Variants in ERBB4 observed in about 807,000 individuals in gnomAD.
The protein encoded by ERBB4 is receptor tyrosine-protein kinase erbB-4.
In ERBB4, 42 loss-of-function variants were observed where a neutral mutation model predicts 158.0. The observed-to-expected ratio is 0.27, with a 90% CI of 0.21 to 0.34. ERBB4 has a LOEUF of 0.34. Among genes scored for constraint, ERBB4 ranks in the 10% least tolerant of loss-of-function variants. The pLI is 1.00. For missense variants in ERBB4, 1,333 were observed against 1,624.1 expected (o/e 0.82, Z 3.08); for synonymous variants, 583 against 558.7 (o/e 1.04, Z -0.61).
intron 2 of ERBB4, among the ~76,000 whole-genome samples, chr2:212,113,302 G>A (rs1019168998): frequency 6.6e-6 from 1 of 152,102 alleles, no homozygotes; most frequent in Non-Finnish European, 1.5e-5. Context: ...ATGGCCGGGT[G>A]CGGTGGCTCA....
At chr2:211,902,297 G>A (rs2079257613) in intron 3 of ERBB4, among the ~76,000 whole-genome samples, 1 of 151,786 alleles carries the variant, frequency 6.6e-6, no homozygotes, top group African/African-American at 2.4e-5. Flanking sequence ...ACGGTATAAC[G>A]GTATTTTAAG....
chr2:212,044,525 T>C (rs905383081), intron 2 of ERBB4, among the ~76,000 whole-genome samples: 5 of 152,190 alleles, frequency 3.3e-5, no homozygotes, highest in Non-Finnish European at 7.4e-5. Flanking sequence ...TAATGGTTTC[T>C]ATTTTTTTCT....
At chr2:211,955,205 T>C (rs1452998119) in intron 2 of ERBB4, among the ~76,000 whole-genome samples, 1 of 152,040 alleles carries the variant, frequency 6.6e-6, no homozygotes, top group Non-Finnish European at 1.5e-5. Flanking sequence ...GCTAGTCTCT[T>C]GGGTGCTAGT....
In ERBB4 at chr2:211,850,014, C is replaced by A. The variant is rs532412232; in HGVS notation, c.422-61855G>T. Among the ~76,000 whole-genome samples the A allele has an allele frequency of 2.6e-5, 4 of 152,100 alleles. No homozygotes were observed. The South Asian group carries it at 8.3e-4, about 31-fold the overall frequency. On this transcript the variant is annotated intron_variant, in intron 3 of 27. Transcript: ENST00000342788. ...TGACCAAACTGTTTTCAAGACGCTG[C>A]CTGCAATTATCACACTGATGCTTTT...
At chr2:212,440,349 C>G (rs2105973646) in intron 1 of ERBB4, among the ~76,000 whole-genome samples, 1 of 152,306 alleles carries the variant, frequency 6.6e-6, no homozygotes, top group South Asian at 2.1e-4. Context: ...TCCCAGGCTA[C>G]AACTTTCTCC....
intron 1 of ERBB4, among the ~76,000 whole-genome samples, chr2:212,445,775 C>T (rs1156460466): frequency 6.6e-6 from 1 of 152,170 alleles, no homozygotes. Flanking sequence ...GGAAAAAACC[C>T]ACAACCTGCT....
chr2:212,223,432 T>A (rs955600685), intron 1 of ERBB4, among the ~76,000 whole-genome samples: 21 of 146,942 alleles, frequency 1.4e-4, no homozygotes, highest in South Asian at 6.3e-4. Context: ...TATATATTTT[T>A]TTTATTTATA....
intron 15 of ERBB4, 32 bp from the exon 16 acceptor site, chr2:211,657,860 T>C: frequency 6.2e-7 from 1 of 1,609,182 alleles, no homozygotes; most frequent in Non-Finnish European, 8.5e-7. Flanking sequence ...AAAACATCAT[T>C]CTCCATCCAC....
At chr2:211,752,967 T>C (rs1339247847) in intron 4 of ERBB4, among the ~76,000 whole-genome samples, 1 of 152,222 alleles carries the variant, frequency 6.6e-6, no homozygotes, top group Admixed American at 6.5e-5. Context: ...CTCCCATAAA[T>C]CGCTGTTCAG....
chr2:211,902,917 T>C (rs1202039822), intron 3 of ERBB4, among the ~76,000 whole-genome samples: 2 of 152,002 alleles, frequency 1.3e-5, no homozygotes, highest in African/African-American at 4.8e-5. Context: ...ATTACTTTTC[T>C]TTAGAAAACT....
At chr2:211,428,205 C>T (rs1048369023) in intron 22 of ERBB4, among the ~76,000 whole-genome samples, 2 of 109,232 alleles carry the variant, frequency 1.8e-5, no homozygotes, top group Admixed American at 1.9e-4. Flanking sequence ...ATGTGTATCG[C>T]AGAACTTAAA....
chr2:212,076,681 T>C (rs1369333189), intron 2 of ERBB4, among the ~76,000 whole-genome samples: 2 of 150,288 alleles, frequency 1.3e-5, no homozygotes, highest in African/African-American at 4.9e-5. Context: ...GAGAAAGGAG[T>C]GAGGTCAAGA....
chr2:212,491,647 T>C (rs1690285974), intron 1 of ERBB4, among the ~76,000 whole-genome samples: 1 of 151,572 alleles, frequency 6.6e-6, no homozygotes, highest in Non-Finnish European at 1.5e-5. Flanking sequence ...TGATTCACTG[T>C]CTAGAATTTT....
Position 212,383,927 on chromosome 2 carries a change from ATTAC to A in ERBB4, c.82+154518_82+154521del, listed in dbSNP as rs1560174553. Among the ~76,000 whole-genome samples, 163 of 151,828 alleles carry A rather than the reference ATTAC, an allele frequency of 1.1e-3. 3 individuals are homozygous for A. The South Asian group carries it at 0.033, about 31-fold the overall frequency. ...TCCTACAGAACTCTGAACACAGTGC[ATTAC>A]CCATTGTCATTGCTTGCTTGACATT... On this transcript the variant is annotated intron_variant, in intron 1 of 27. Coordinates refer to ENST00000342788, the MANE Select transcript of ERBB4 (RefSeq NM_005235.3).
At chr2:211,703,077 C>A (rs2073311043) in intron 11 of ERBB4, among the ~76,000 whole-genome samples, 1 of 151,604 alleles carries the variant, frequency 6.6e-6, no homozygotes, top group Non-Finnish European at 1.5e-5. Context: ...TTTAAATATT[C>A]TTTGCTGTTA....
chr2:211,723,484 C>A (rs79214155), intron 6 of ERBB4, among the ~76,000 whole-genome samples: 3,007 of 152,102 alleles, frequency 0.02, 74 homozygotes, highest in African/African-American at 0.069. Context: ...TATTAATAAG[C>A]ATTAATTTAT....
At chr2:211,716,691 C>A (rs557250902) in intron 7 of ERBB4, among the ~76,000 whole-genome samples, 2 of 144,196 alleles carry the variant, frequency 1.4e-5, no homozygotes, top group Admixed American at 1.4e-4. Flanking sequence ...ACAACAACAA[C>A]AACAACAACA....
intron 3 of ERBB4, among the ~76,000 whole-genome samples, chr2:211,861,542 T>C (rs937580704): frequency 6.6e-6 from 1 of 151,758 alleles, no homozygotes; most frequent in Non-Finnish European, 1.5e-5. Context: ...AATTTGAATA[T>C]TGCCATTAAC....
At chr2:212,488,397 C>G (rs1396526748) in intron 1 of ERBB4, among the ~76,000 whole-genome samples, 1 of 151,868 alleles carries the variant, frequency 6.6e-6, no homozygotes, top group African/African-American at 2.4e-5. Flanking sequence ...ATAGTCATCC[C>G]TCTAGTTTTA....
Sources: allele counts gnomAD v4.1 joint callset (sites outside exome capture counted in the v4.1 genomes callset), GRCh38; gene constraint gnomAD v4.1.1; transcripts MANE v1.5; gene names NCBI Gene and HGNC (gene_info 2026-07-23, HGNC 2026-07-21).